Variants in DCC observed in about 807,000 individuals in gnomAD.
DCC encodes the protein DCC netrin 1 receptor.
In DCC, 58 loss-of-function variants were observed where a neutral mutation model predicts 172.5. The observed-to-expected ratio is 0.34, with a 90% confidence interval of 0.27 to 0.42. The LOEUF (loss-of-function observed/expected upper bound fraction) is 0.42. Among genes scored for constraint, DCC ranks in the 10% least tolerant of loss-of-function variants. DCC has a pLI of 1.00. For missense variants in DCC, 1,740 were observed against 1,791.0 expected (o/e 0.97, Z 0.51); for synonymous variants, 709 against 644.5 (o/e 1.10, Z -1.52).
chr18:52,435,382 G>A (rs1261638445), intron 1 of DCC, among the ~76,000 whole-genome samples: 2 of 152,114 alleles, frequency 1.3e-5, no homozygotes, highest in East Asian at 1.9e-4. Flanking sequence ...TTTCATAATG[G>A]CCTTTTCCAT....
intron 7 of DCC, among the ~76,000 whole-genome samples, chr18:53,116,976 T>C (rs1035999497): frequency 2.0e-5 from 3 of 151,696 alleles, no homozygotes; most frequent in Non-Finnish European, 4.4e-5. Flanking sequence ...GCCCATCAAG[T>C]GAACTTTCAA....
intron 2 of DCC, among the ~76,000 whole-genome samples, chr18:52,792,091 G>A (rs1047621028): frequency 1.3e-5 from 2 of 152,114 alleles, no homozygotes; most frequent in Non-Finnish European, 1.5e-5. Context: ...GACTGACAAT[G>A]TGCCTCATGG....
Position 53,337,650 on chromosome 18 carries a change from GA to G in DCC, c.2165-2055del, listed in dbSNP as rs202077363. 5.7e-3 allele frequency among the ~76,000 whole-genome samples: 867 copies of G among 151,668 alleles called. 7 individuals carry two copies. Among genetic ancestry groups the G allele is most frequent in the Admixed American group, 0.024 (372 of 15,220 alleles). On this transcript the variant is annotated intron_variant, in intron 14 of 28. Coordinates refer to ENST00000442544, the MANE Select transcript of DCC (RefSeq NM_005215.4). ...TGCCCACAAAGGGCCATCTTTGGGG[GA>G]AAAAAAAGCATCTTTAGAAAATTCT...
intron 5 of DCC, among the ~76,000 whole-genome samples, chr18:53,007,754 A>G (rs1015847764): frequency 6.6e-6 from 1 of 152,142 alleles, no homozygotes; most frequent in South Asian, 2.1e-4. Flanking sequence ...CAGAGGCTTA[A>G]GGACCAGGAA....
At chr18:53,164,155 T>C (rs1406081929) in intron 8 of DCC, among the ~76,000 whole-genome samples, 1 of 152,210 alleles carries the variant, frequency 6.6e-6, no homozygotes, top group Non-Finnish European at 1.5e-5. Context: ...AATTCTTTTA[T>C]ATGTTTCATT....
chr18:53,312,991 G>A (rs1369385458), intron 13 of DCC, among the ~76,000 whole-genome samples: 2 of 113,974 alleles, frequency 1.8e-5, no homozygotes, highest in Non-Finnish European at 3.6e-5. Flanking sequence ...AGGAGGGAGG[G>A]AGGAGGGAGG....
Position 53,207,742 on chromosome 18 carries a change from C to A in DCC, c.1786C>A (p.Leu596Ile), listed in dbSNP as rs1373926337. 6.2e-7 allele frequency: 1 copy of A among 1,612,650 alleles called. No individual in the cohort carries two copies. Among genetic ancestry groups the A allele is most frequent in the East Asian group, 2.2e-5 (1 of 44,846 alleles). ...CCTGAAAAAATTCACCGAATATAGTCTTCGATTCTTAGCTTATAATCGCTA... is the reference window on the plus strand; with the variant it reads ...CCTGAAAAAATTCACCGAATATAGTATTCGATTCTTAGCTTATAATCGCTA... The part of the protein sequence containing the change: ...EGLKKFTEYS[L>I]RFLAYNRYGP... Residue 596 changes from leucine to isoleucine, a missense_variant, in exon 11 of 29, where the codon CTT (leucine) becomes ATT (isoleucine). Around this residue, in one of 2 missense-constraint regions of DCC, gnomAD observed 1,732 missense variants for 1,767.4 expected, o/e 0.98. Transcript: ENST00000442544.
chr18:52,739,522 A>T (rs1247315964), intron 1 of DCC, among the ~76,000 whole-genome samples: 1 of 152,166 alleles, frequency 6.6e-6, no homozygotes, highest in Non-Finnish European at 1.5e-5. Context: ...CAGAGCCACA[A>T]GAGAGGTACA....
chr18:52,587,955 G>A (rs1274510902), intron 1 of DCC, among the ~76,000 whole-genome samples: 2 of 152,136 alleles, frequency 1.3e-5, no homozygotes, highest in African/African-American at 2.4e-5. Flanking sequence ...GGAACTGCTC[G>A]AACCCGATTA....
chr18:52,530,638 A>T (rs1233024233), intron 1 of DCC, among the ~76,000 whole-genome samples: 2 of 152,234 alleles, frequency 1.3e-5, no homozygotes, highest in South Asian at 4.1e-4. Flanking sequence ...TCAAGAATTA[A>T]AAATATCATT....
chr18:52,948,744 C>T (rs1162127946), intron 5 of DCC, among the ~76,000 whole-genome samples: 1 of 152,184 alleles, frequency 6.6e-6, no homozygotes, highest in Non-Finnish European at 1.5e-5. Flanking sequence ...ATAAACACTA[C>T]ATTCATGAAG....
At chr18:52,995,653 T>C (rs1038001359) in intron 5 of DCC, among the ~76,000 whole-genome samples, 3 of 152,034 alleles carry the variant, frequency 2.0e-5, no homozygotes, top group African/African-American at 7.2e-5. Flanking sequence ...AGCCCTAGAA[T>C]GGTGTCTCCA....
chr18:53,481,416 C>T (rs556433752), intron 25 of DCC, among the ~76,000 whole-genome samples: 2 of 152,228 alleles, frequency 1.3e-5, no homozygotes, highest in Admixed American at 6.5e-5. Flanking sequence ...TTTCCAAAAG[C>T]GACCCTCTAT....
At chr18:53,081,789 C>A (rs2042809501) in intron 7 of DCC, among the ~76,000 whole-genome samples, 1 of 151,990 alleles carries the variant, frequency 6.6e-6, no homozygotes, top group Non-Finnish European at 1.5e-5. Flanking sequence ...GCCAATCATT[C>A]TAGGAATGGC....
At chr18:52,905,980 T>C (rs2039875822) in intron 2 of DCC, 64 bp from the exon 3 acceptor site, 2 of 1,099,540 alleles carry the variant, frequency 1.8e-6, no homozygotes, top group Non-Finnish European at 2.8e-6. Flanking sequence ...AAGTGATTAT[T>C]TTTATTGGCG....
At chr18:53,337,540 G>T (rs78607691) in intron 14 of DCC, among the ~76,000 whole-genome samples, 3 of 151,998 alleles carry the variant, frequency 2.0e-5, no homozygotes, top group African/African-American at 7.3e-5. Flanking sequence ...TTATATCCAC[G>T]TTTTGAGACA....
chr18:52,707,165 A>C (rs1229601794), intron 1 of DCC, among the ~76,000 whole-genome samples: 1 of 152,188 alleles, frequency 6.6e-6, no homozygotes, highest in African/African-American at 2.4e-5. Flanking sequence ...GTAATTACTA[A>C]CTTCACCCAT....
intron 1 of DCC, among the ~76,000 whole-genome samples, chr18:52,630,108 T>A (rs2034648033): frequency 6.6e-6 from 1 of 151,966 alleles, no homozygotes; most frequent in Admixed American, 6.6e-5. Flanking sequence ...CAAGACTCCA[T>A]CTAAAAGAAA....
chr18:53,267,923 G>A (rs1421060264), intron 12 of DCC, among the ~76,000 whole-genome samples: 1 of 152,088 alleles, frequency 6.6e-6, no homozygotes, highest in Non-Finnish European at 1.5e-5. Context: ...ACTTCTAAAG[G>A]AGATCCTTTT....
Sources: gnomAD v4.1 joint callset for allele counts (sites outside exome capture counted in the v4.1 genomes callset) on GRCh38, gnomAD v4.1.1 for gene constraint, gnomAD v4.1.1 regional missense constraint, MANE v1.5 for transcripts, NCBI Gene and HGNC (gene_info 2026-07-23, HGNC 2026-07-21) for gene names.